The following TMEFF2 variants were observed in gnomAD, a reference collection of about 807,000 sequenced individuals.
TMEFF2 encodes transmembrane protein with EGF like and two follistatin like domains 2.
A neutral mutation model predicts 53.8 loss-of-function variants in TMEFF2; 28 were observed. The ratio of observed to expected loss-of-function variants is 0.52; its 90% CI spans 0.39 to 0.71. The LOEUF is 0.71. Among genes scored for constraint, TMEFF2 ranks in the 30% least tolerant of loss-of-function variants. The pLI, the probability that TMEFF2 is intolerant of heterozygous loss-of-function variation, is 0.00. For synonymous variants in TMEFF2, 162 were observed against 166.3 expected, an observed-to-expected ratio of 0.97 and a Z score of 0.20; for missense variants, 353 against 455.2, an observed-to-expected ratio of 0.78 and a Z score of 2.04.
intron 5 of TMEFF2, among the ~76,000 whole-genome samples, chr2:192,056,162 T>C (rs575439380): frequency 6.6e-6 from 1 of 152,294 alleles, no homozygotes; most frequent in Non-Finnish European, 1.5e-5. Context: ...CACAAAAGTT[T>C]GATCAAAATG....
chr2:191,999,796 T>C (rs1686312497), intron 5 of TMEFF2, among the ~76,000 whole-genome samples: 1 of 152,024 alleles, frequency 6.6e-6, no homozygotes, highest in Non-Finnish European at 1.5e-5. Flanking sequence ...AAATGAAAGC[T>C]ATAGATCTCT....
chr2:191,999,815 A>G (rs1054584861), intron 5 of TMEFF2, among the ~76,000 whole-genome samples: 4 of 148,034 alleles, frequency 2.7e-5, no homozygotes, highest in African/African-American at 4.9e-5. Flanking sequence ...CTCCCCAGAA[A>G]TATCCATATT....
chr2:192,050,783 T>TA (rs1687750494), intron 5 of TMEFF2, among the ~76,000 whole-genome samples: 1 of 152,234 alleles, frequency 6.6e-6, no homozygotes, highest in South Asian at 2.1e-4. Flanking sequence ...AAATATAAGC[T>TA]GTTTATTTTC....
At chr2:192,138,072 G>T (rs1690053718) in intron 4 of TMEFF2, among the ~76,000 whole-genome samples, 1 of 152,128 alleles carries the variant, frequency 6.6e-6, no homozygotes, top group Admixed American at 6.5e-5. Flanking sequence ...GCCTGCCTTG[G>T]CCTCCCAAAG....
intron 8 of TMEFF2, among the ~76,000 whole-genome samples, chr2:191,955,484 G>A (rs183390013): frequency 1.7e-3 from 236 of 137,712 alleles, no homozygotes; most frequent in Non-Finnish European, 3.1e-3. Context: ...AGTAGCTCCT[G>A]GACTACAGGT....
chr2:192,190,219 T>C (rs890275118), intron 2 of TMEFF2, among the ~76,000 whole-genome samples: 1 of 152,134 alleles, frequency 6.6e-6, no homozygotes, highest in Non-Finnish European at 1.5e-5. Context: ...CTTTTTTTTT[T>C]CTCCTGGTGA....
intron 4 of TMEFF2, among the ~76,000 whole-genome samples, chr2:192,140,517 T>C (rs891353965): frequency 1.3e-5 from 2 of 152,050 alleles, no homozygotes; most frequent in African/African-American, 2.4e-5. Flanking sequence ...GGGTTCCACA[T>C]TGAAAGAAAT....
intron 3 of TMEFF2, among the ~76,000 whole-genome samples, chr2:192,181,702 A>G (rs1691189112): frequency 6.6e-6 from 1 of 151,886 alleles, no homozygotes. Context: ...TAATAAATAC[A>G]TATGACTGGG....
intron 4 of TMEFF2, among the ~76,000 whole-genome samples, chr2:192,169,969 A>AGAT (rs2106022314): frequency 1.2e-5 from 1 of 83,598 alleles, no homozygotes; most frequent in African/African-American, 5.1e-5. Flanking sequence ...CCACTATTTA[A>AGAT]GATGCACTAT....
intron 4 of TMEFF2, among the ~76,000 whole-genome samples, chr2:192,082,173 ATT>A (rs1315264580): frequency 6.6e-6 from 1 of 152,072 alleles, no homozygotes; most frequent in African/African-American, 2.4e-5. Context: ...TTATAAATAG[ATT>A]TTTTATATTG....
chr2:192,023,778 C>T (rs1686910765), intron 5 of TMEFF2, among the ~76,000 whole-genome samples: 1 of 151,984 alleles, frequency 6.6e-6, no homozygotes, highest in Admixed American at 6.6e-5. Context: ...GAGAGCTTTC[C>T]TCTCATCACC....
chr2:191,990,358 A>G (rs1441683420), intron 7 of TMEFF2, among the ~76,000 whole-genome samples: 1 of 151,752 alleles, frequency 6.6e-6, no homozygotes, highest in Admixed American at 6.6e-5. Context: ...ATGTTGGCTT[A>G]TATATTTGGG....
chr2:192,194,447 G>A lies in TMEFF2; in HGVS notation c.78C>T (p.Pro26=). 4 of 1,614,074 alleles carry A rather than the reference G, an allele frequency of 2.5e-6. No homozygotes were observed. Among genetic ancestry groups the A allele is most frequent in the Non-Finnish European group, 3.4e-6 (4 of 1,180,006 alleles). ...CEGFCWLLLL[P]VMLLIVARPV... is the part of the protein sequence containing the mutation. ...GGCGGGCTACGATGAGTAGCATGAC[G>A]GGCAGCAGCAGCAGCCAGCAAAAGC... Residue 26 remains proline, a synonymous_variant, in exon 1 of 10, where the codon CCC becomes CCT. Coordinates refer to ENST00000272771, the MANE Select transcript of TMEFF2 (RefSeq NM_016192.4). This position sits in a 1 kb window ranked among gnomAD's most constrained non-coding sequence, Gnocchi z 4.2.
intron 5 of TMEFF2, among the ~76,000 whole-genome samples, chr2:192,010,925 G>A (rs1356840609): frequency 6.6e-6 from 1 of 152,136 alleles, no homozygotes; most frequent in African/African-American, 2.4e-5. Flanking sequence ...TCTCCACTGA[G>A]GATTTCCCCC....
intron 4 of TMEFF2, among the ~76,000 whole-genome samples, chr2:192,159,755 A>G (rs1690589199): frequency 6.6e-6 from 1 of 152,178 alleles, no homozygotes; most frequent in African/African-American, 2.4e-5. Context: ...CTGCTTCAGC[A>G]AAACTTATTG....
At chr2:192,088,089 G>A (rs532758052) in intron 4 of TMEFF2, among the ~76,000 whole-genome samples, 57 of 152,142 alleles carry the variant, frequency 3.7e-4, no homozygotes, top group Non-Finnish European at 6.2e-4. Context: ...TTTTTTTGTC[G>A]GTAACTCAAC....
At chr2:192,192,259 G>T (rs1469805428) in intron 1 of TMEFF2, among the ~76,000 whole-genome samples, 1 of 151,658 alleles carries the variant, frequency 6.6e-6, no homozygotes, top group African/African-American at 2.4e-5. Context: ...AATACTGACA[G>T]TGGTGAATGA....
chr2:192,095,827 ATATT>A (rs1688890131), intron 4 of TMEFF2, among the ~76,000 whole-genome samples: 1 of 152,188 alleles, frequency 6.6e-6, no homozygotes, highest in Admixed American at 6.5e-5. Flanking sequence ...AACTGACAAA[ATATT>A]TAGCAAATAA....
chr2:192,054,324 A>G (rs1357773738), intron 5 of TMEFF2, among the ~76,000 whole-genome samples: 3 of 152,092 alleles, frequency 2.0e-5, no homozygotes, highest in African/African-American at 4.8e-5. Flanking sequence ...ACCAGTTGCA[A>G]TATCTATCCA....
Sources: allele counts gnomAD v4.1 joint callset (sites outside exome capture counted in the v4.1 genomes callset), GRCh38; gene constraint gnomAD v4.1.1; non-coding constraint Gnocchi (gnomAD v3.1); transcripts MANE v1.5; gene names NCBI Gene and HGNC (gene_info 2026-07-23, HGNC 2026-07-21).